The following MYBPH variants were observed in gnomAD, a reference collection of about 807,000 sequenced individuals.
MYBPH encodes myosin binding protein H.
In MYBPH, 49 loss-of-function variants were observed where a neutral mutation model predicts 53.6. The ratio of observed to expected loss-of-function variants is 0.91; its 90% CI spans 0.73 to 1.16. The LOEUF is 1.16. Among genes scored for constraint, MYBPH ranks in the 50% most tolerant of loss-of-function variants. MYBPH has a pLI of 0.00. For missense variants in MYBPH, 558 were observed against 624.1 expected (o/e 0.89, Z 1.13); for synonymous variants, 239 against 249.6 (o/e 0.96, Z 0.40).
Position 203,169,392 on chromosome 1 carries a change from G to T in MYBPH, c.1094-3C>A. ...CCCTTTAGGTTTGGCAGCAATATCTGGGTTCAGGGGAGAAAGTCGGGTGCA... is the reference window on the plus strand; with the variant it reads ...CCCTTTAGGTTTGGCAGCAATATCTTGGTTCAGGGGAGAAAGTCGGGTGCA... On this transcript the variant is annotated splice_polypyrimidine_tract_variant and splice_region_variant and intron_variant, in intron 7 of 10. Transcript: ENST00000255416. 6.4e-7 allele frequency: 1 copy of T among 1,562,962 alleles called. No homozygotes were observed. The highest frequency in any genetic ancestry group is 8.7e-7 in the Non-Finnish European group (1 of 1,152,430).
At chr1:203,175,924 A>C, upstream of MYBPH, 1 of 647,458 alleles carries the variant, frequency 1.5e-6, no homozygotes. Context: ...GGAGGACTGG[A>C]GGGTGGAGAG....
intron 3 of MYBPH, among the ~76,000 whole-genome samples, chr1:203,173,027 C>T (rs1315714370): frequency 6.6e-6 from 1 of 152,198 alleles, no homozygotes; most frequent in African/African-American, 2.4e-5. Flanking sequence ...AGCTGAGCAG[C>T]CAAGGATCCT....
At chr1:203,174,641 A>T in intron 2 of MYBPH, 44 bp from the exon 3 acceptor site, 1 of 1,490,030 alleles carries the variant, frequency 6.7e-7, no homozygotes, top group Non-Finnish European at 9.0e-7. Flanking sequence ...ATGTGGCCAC[A>T]GGCGCCCCTC....
Position 203,175,476 on chromosome 1 carries a change from A to T in MYBPH, c.206-15T>A. ...ACTGGGGACATCTGGGGAGATGAAG[A>T]GGTTCATGGCCAAGAGCTCCCCTCC... On this transcript the variant is annotated splice_polypyrimidine_tract_variant and intron_variant, in intron 1 of 10. Transcript: ENST00000255416. 1 of 1,603,446 alleles carries T rather than the reference A, an allele frequency of 6.2e-7. No individual in the cohort carries two copies. The highest frequency in any genetic ancestry group is 2.2e-5 in the East Asian group (1 of 44,646).
intron 6 of MYBPH, 128 bp downstream of exon 6, chr1:203,170,933 A>G (rs1655682202): frequency 1.6e-6 from 2 of 1,275,120 alleles, no homozygotes; most frequent in East Asian, 4.9e-5. Context: ...CCTCCTAGGG[A>G]GTCAGGTTAG....
At chr1:203,176,755 C>T (rs1046602837), upstream of MYBPH, among the ~76,000 whole-genome samples, 2 of 152,154 alleles carry the variant, frequency 1.3e-5, no homozygotes, top group Admixed American at 1.3e-4. Context: ...GGAGGGAGAA[C>T]ATTAAGAACT....
Position 203,175,665 on chromosome 1 carries a change from C to T in MYBPH, c.91G>A (p.Gly31Arg), listed in dbSNP as rs148543360. The change falls in exon 1 of 11, where the codon GGA becomes AGA. Residue 31 changes from glycine to arginine, a missense_variant. Physicochemically the swap from Gly to Arg is moderately radical, Grantham distance 125. Transcript: ENST00000255416. ...SAKVPTAEPP[G>R]EVAVSESTRE... ...GTGGACTCTGATACTGCCACTTCTCCGGGAGGCTCTGCTGTGGGCACCTTG... is the reference window on the plus strand; with the variant it reads ...GTGGACTCTGATACTGCCACTTCTCTGGGAGGCTCTGCTGTGGGCACCTTG... 1.6e-4 allele frequency: 260 copies of T among 1,614,136 alleles called. No homozygotes were observed. The highest frequency in any genetic ancestry group is 1.9e-4 in the Non-Finnish European group (223 of 1,180,026).
chr1:203,169,435 G>T, intron 7 of MYBPH, 46 bp from the exon 8 acceptor site: 9 of 1,550,170 alleles, frequency 5.8e-6, no homozygotes, highest in Non-Finnish European at 7.9e-6. Flanking sequence ...TTACAGGAGT[G>T]AGGGAGACCT....
intron 3 of MYBPH, 112 bp downstream of exon 3, chr1:203,174,318 C>G (rs1188613011): frequency 6.8e-7 from 1 of 1,471,442 alleles, no homozygotes; most frequent in Non-Finnish European, 9.0e-7. Context: ...TGCATGTGAG[C>G]GTGGGACGGG....
In MYBPH at chr1:203,175,328, T is replaced by G. The variant is rs1423031603; in HGVS notation, c.339A>C (p.Gly113=). The G allele has an allele frequency of 6.6e-7, 1 of 1,518,904 alleles. No homozygotes were observed. Among genetic ancestry groups the G allele is most frequent in the Non-Finnish European group, 8.8e-7 (1 of 1,135,746 alleles). The allele number at this position is 1,518,904 out of a possible 1,614,324, so 94.1% of individuals were successfully genotyped here. A position where few individuals can be genotyped will look rare whatever the true frequency, so the allele number is the denominator to read the frequency against. ...QGYVLELCRE[G]ASEWVPVSAR... ...TGCAAGACTTAGCCCAGCACTCACC[T>G]CCCTCTCTGCAGAGCTCCAGCACAT... The change falls in exon 2 of 11, where the codon GGA becomes GGC. Residue 113 remains glycine, a splice_region_variant and synonymous_variant. Transcript: ENST00000255416.
chr1:203,172,717 A>C (rs1655723917), intron 3 of MYBPH, among the ~76,000 whole-genome samples: 1 of 152,112 alleles, frequency 6.6e-6, no homozygotes, highest in Non-Finnish European at 1.5e-5. Flanking sequence ...TCTGACCCTC[A>C]TCTGGTCAGG....
chr1:203,168,935 G>A lies in MYBPH; in HGVS notation c.1388C>T (p.Ala463Val). ...TCKAINVLGEASVDCRLEVKA... is the reference protein window; with the variant it reads ...TCKAINVLGEVSVDCRLEVKA... ...GACCTCCAGCCGGCAGTCCACAGAT[G>A]CCTCCCCCAGCACATTTATGGCCTT... Residue 463 changes from alanine (A) to valine (V), a missense_variant, in exon 9 of 11, where the codon GCA becomes GTA. Coordinates refer to ENST00000255416, the MANE Select transcript of MYBPH (RefSeq NM_004997.3). The A allele has an allele frequency of 6.2e-7, 1 of 1,614,048 alleles. No individual in the cohort carries two copies. The highest frequency in any genetic ancestry group is 2.2e-5 in the East Asian group (1 of 44,890).
In MYBPH at chr1:203,171,890, C is replaced by T; in HGVS notation, c.597+62G>A. 1 of 1,089,028 alleles carries T rather than the reference C, an allele frequency of 9.2e-7. No individual in the cohort carries two copies. The highest frequency in any genetic ancestry group is 1.2e-6 in the Non-Finnish European group (1 of 830,412). The allele number at this position is 1,089,028 out of a possible 1,614,324, so 67.5% of individuals were successfully genotyped here. A position where few individuals can be genotyped will look rare whatever the true frequency, so the allele number is the denominator to read the frequency against. Reference sequence around the variant, plus strand: ...TGGAGACCCTGCCATCTCCCAGGCTCCCCTTAAATGGGGGCCCTGGTTCCC... The same window carrying T: ...TGGAGACCCTGCCATCTCCCAGGCTTCCCTTAAATGGGGGCCCTGGTTCCC... On this transcript the variant is annotated intron_variant, in intron 4 of 10. Coordinates refer to ENST00000255416, the MANE Select transcript of MYBPH (RefSeq NM_004997.3). This position sits in a 1 kb window ranked among gnomAD's most constrained non-coding sequence, Gnocchi z 4.2.
chr1:203,179,066 T>C (rs2102197456), upstream of MYBPH: 1 of 175,362 alleles, frequency 5.7e-6, no homozygotes, highest in Middle Eastern at 2.7e-3. Context: ...GGTCACTGTG[T>C]CTTGTAGGAT....
At chr1:203,170,502 C>T (rs1411337244) in intron 6 of MYBPH, 52 bp from the exon 7 acceptor site, 2 of 1,587,194 alleles carry the variant, frequency 1.3e-6, no homozygotes, top group Middle Eastern at 3.4e-4. Context: ...CTCACCCTCC[C>T]TGCTTACCCT....
chr1:203,172,327 G>A (rs1188952008), intron 3 of MYBPH, among the ~76,000 whole-genome samples: 1 of 152,128 alleles, frequency 6.6e-6, no homozygotes. Context: ...CTGCCAGGAT[G>A]GGATTTGTCC....
intron 10 of MYBPH, 133 bp from the exon 11 acceptor site, chr1:203,168,224 G>C (rs899994641): frequency 1.1e-5 from 3 of 284,218 alleles, no homozygotes; most frequent in African/African-American, 4.5e-5. Context: ...CAATGCCCAG[G>C]TCTGAGCTCT....
intron 7 of MYBPH, 31 bp downstream of exon 7, chr1:203,170,260 T>A: frequency 6.2e-7 from 1 of 1,611,342 alleles, no homozygotes; most frequent in Middle Eastern, 1.7e-4. Flanking sequence ...AGGGAGAGAG[T>A]TAGCACAGCC....
At chr1:203,177,444 T>C (rs765227345), upstream of MYBPH, among the ~76,000 whole-genome samples, 1 of 152,244 alleles carries the variant, frequency 6.6e-6, no homozygotes, top group Non-Finnish European at 1.5e-5. Flanking sequence ...GCATGCATGC[T>C]CTTCCCTTTC....
Sources: allele counts gnomAD v4.1 joint callset (sites outside exome capture counted in the v4.1 genomes callset), GRCh38; gene constraint gnomAD v4.1.1; non-coding constraint Gnocchi (gnomAD v3.1); transcripts MANE v1.5; gene names NCBI Gene and HGNC (gene_info 2026-07-23, HGNC 2026-07-21).